ADGRL4: variants seen among roughly 807,000 people sequenced by gnomAD.
ADGRL4 encodes EGF, latrophilin and seven transmembrane domain containing 1.
ADGRL4 carries 90 observed loss-of-function variants against 74.8 expected under a neutral mutation model. That is an observed-to-expected ratio of 1.20 (90% CI 1.02 to 1.43). The LOEUF (loss-of-function observed/expected upper bound fraction) is 1.43, where lower values mean the gene tolerates loss of function less well. Ranked by LOEUF, ADGRL4 falls within the 40% of genes most tolerant of loss-of-function variation. The probability of loss-of-function intolerance (pLI) is 0.00; values close to 1 mark genes in which losing one functional copy is unlikely to be tolerated. For missense variants in ADGRL4, 881 were observed against 814.3 expected, an observed-to-expected ratio of 1.08 and a Z score of -1.00; for synonymous variants, 311 against 279.2, an observed-to-expected ratio of 1.11 and a Z score of -1.14.
chr1:78,974,944 T>C (rs908467804), intron 2 of ADGRL4, among the ~76,000 whole-genome samples: 2 of 152,166 alleles, frequency 1.3e-5, no homozygotes, highest in Non-Finnish European at 2.9e-5. Flanking sequence ...AACATATTTG[T>C]AGTTTTTGAG....
At chr1:78,911,330 T>C (rs528051348) in intron 12 of ADGRL4, among the ~76,000 whole-genome samples, 31 of 151,858 alleles carry the variant, frequency 2.0e-4, no homozygotes, top group African/African-American at 7.5e-4. Context: ...TTAACCTTCA[T>C]ATAAGGCCAT....
At chr1:78,904,249 T>C (rs978586814) in intron 12 of ADGRL4, among the ~76,000 whole-genome samples, 1 of 151,620 alleles carries the variant, frequency 6.6e-6, no homozygotes, top group Non-Finnish European at 1.5e-5. Context: ...AATGTGAAAG[T>C]ACAGATTTAA....
chr1:79,001,288 A>G (rs1448818488), intron 2 of ADGRL4, among the ~76,000 whole-genome samples: 1 of 151,888 alleles, frequency 6.6e-6, no homozygotes, highest in Non-Finnish European at 1.5e-5. Context: ...TCCGGGTACT[A>G]CTCAACTCAA....
At chr1:78,994,786 G>T (rs911969599) in intron 2 of ADGRL4, among the ~76,000 whole-genome samples, 6 of 152,102 alleles carry the variant, frequency 3.9e-5, no homozygotes, top group Admixed American at 6.5e-5. Flanking sequence ...ACATATATTT[G>T]ATCATCCTGC....
At chr1:78,987,668 T>C (rs1420563802) in intron 2 of ADGRL4, among the ~76,000 whole-genome samples, 1 of 151,800 alleles carries the variant, frequency 6.6e-6, no homozygotes, top group Non-Finnish European at 1.5e-5. Flanking sequence ...CGAACCTTAC[T>C]ATACAGCATT....
At chr1:78,919,475 G>T (rs1648951070) in intron 10 of ADGRL4, among the ~76,000 whole-genome samples, 1 of 151,848 alleles carries the variant, frequency 6.6e-6, no homozygotes, top group Non-Finnish European at 1.5e-5. Context: ...ACTTCCGAGA[G>T]GACTCCTTGA....
intron 1 of ADGRL4, among the ~76,000 whole-genome samples, chr1:79,006,344 G>T (rs777078854): frequency 6.6e-6 from 1 of 152,110 alleles, no homozygotes; most frequent in Non-Finnish European, 1.5e-5. Context: ...GGGTGTTAAT[G>T]GTCTGGATTT....
chr1:78,986,485 T>C (rs1650499879), intron 2 of ADGRL4, among the ~76,000 whole-genome samples: 1 of 151,584 alleles, frequency 6.6e-6, no homozygotes, highest in South Asian at 2.1e-4. Flanking sequence ...GGTGTGTTGG[T>C]ACATAGACAC....
intron 8 of ADGRL4, among the ~76,000 whole-genome samples, chr1:78,925,730 C>G: frequency 6.6e-6 from 1 of 151,958 alleles, no homozygotes; most frequent in East Asian, 1.9e-4. Flanking sequence ...CCAGGAATTA[C>G]CGTGAAGAGT....
intron 2 of ADGRL4, among the ~76,000 whole-genome samples, chr1:78,963,494 A>G (rs1047446318): frequency 6.6e-6 from 1 of 152,198 alleles, no homozygotes; most frequent in Admixed American, 6.5e-5. Context: ...CCTTAGGAAG[A>G]TGGAAACATC....
chr1:78,970,829 C>A (rs1321200838), intron 2 of ADGRL4, among the ~76,000 whole-genome samples: 1 of 152,164 alleles, frequency 6.6e-6, no homozygotes, highest in Non-Finnish European at 1.5e-5. Flanking sequence ...ATCCTCCAAA[C>A]TGGGAAAAGT....
Position 78,936,359 on chromosome 1 carries a change from A to G in ADGRL4, c.813T>C (p.His271=). Residue 271 remains histidine (H), a synonymous_variant, in exon 7 of 15, where the codon CAT becomes CAC. Transcript: ENST00000370742. ...DSYNMKHIHP[H]MNMDGDYINI... The stretch of plus-strand genomic sequence containing the variant: ...TTATGTAGTCTCCATCCATATTCAT[A>G]TGAGGATGAATATGTTTCATGTTAT... 6.3e-7 allele frequency: 1 copy of G among 1,587,464 alleles called. No individual in the cohort carries two copies. The highest frequency in any genetic ancestry group is 8.5e-7 in the Non-Finnish European group (1 of 1,170,628).
rs997600337 is a variant in ADGRL4, at chr1:78,938,107, G to A, written c.569C>T (p.Thr190Ile). The change falls in exon 5 of 15, where the codon ACT (threonine) becomes ATT (isoleucine). Residue 190 changes from threonine to isoleucine, a missense_variant. Thr to Ile is a moderately conservative substitution (Grantham distance 89). Coordinates refer to ENST00000370742, the MANE Select transcript of ADGRL4 (RefSeq NM_022159.4). ...ISAKDTLSNS[T>I]LTEFVKTVNN... ...AAAGCTGAACATACTTACAGTAAGA[G>A]TTGAGTTAGAAAGGGTGTCCTTGGC... The A allele has an allele frequency of 1.2e-6, 2 of 1,612,306 alleles. No individual in the cohort carries two copies. The highest frequency in any genetic ancestry group is 1.3e-5 in the African/African-American group (1 of 74,804).
intron 2 of ADGRL4, among the ~76,000 whole-genome samples, chr1:78,952,191 T>C (rs1649743597): frequency 6.6e-6 from 1 of 152,130 alleles, no homozygotes; most frequent in Non-Finnish European, 1.5e-5. Flanking sequence ...AACAGCAGCA[T>C]CACTCCTGTA....
chr1:78,927,142 T>A lies in ADGRL4; in HGVS notation c.878-51A>T, dbSNP rs372682441. On this transcript the variant is annotated intron_variant, in intron 7 of 14. Transcript: ENST00000370742. ...TGAAATTCTTATAAAACAAAGTGTATTTAGACTCTTAAGATAAACATAAAA... is the reference window on the plus strand; with the variant it reads ...TGAAATTCTTATAAAACAAAGTGTAATTAGACTCTTAAGATAAACATAAAA... 120 of 1,187,330 alleles carry A rather than the reference T, an allele frequency of 1.0e-4. No individual in the cohort carries two copies. The African/African-American group carries it at 1.7e-3, about 16-fold the overall frequency. 73.5% of individuals were successfully genotyped at this position (1,187,330 alleles called of 1,614,324 possible).
At chr1:78,966,832 A>C (rs1313550341) in intron 2 of ADGRL4, among the ~76,000 whole-genome samples, 1 of 149,570 alleles carries the variant, frequency 6.7e-6, no homozygotes. Context: ...ATCAGTCAGC[A>C]GTTAACTTTT....
chr1:78,940,193 TG>T (rs1213883168), intron 3 of ADGRL4, among the ~76,000 whole-genome samples: 1 of 152,178 alleles, frequency 6.6e-6, no homozygotes, highest in Non-Finnish European at 1.5e-5. Context: ...AACAACTCAG[TG>T]TAATCTGGAG....
chr1:78,936,218 A>T, intron 7 of ADGRL4, 77 bp downstream of exon 7: 1 of 1,431,066 alleles, frequency 7.0e-7, no homozygotes, highest in African/African-American at 1.4e-5. Context: ...ACATGTACAT[A>T]TGACATAATC....
intron 2 of ADGRL4, 118 bp downstream of exon 2, chr1:79,004,952 A>G: frequency 2.4e-6 from 2 of 838,210 alleles, no homozygotes; most frequent in Non-Finnish European, 3.4e-6. Flanking sequence ...CGTTTTTTAA[A>G]TAGTATGAAA....
Sources: gnomAD v4.1 joint callset for allele counts (sites outside exome capture counted in the v4.1 genomes callset) on GRCh38, gnomAD v4.1.1 for gene constraint, MANE v1.5 for transcripts, NCBI Gene and HGNC (gene_info 2026-07-23, HGNC 2026-07-21) for gene names.